GLIS1: variants seen among roughly 807,000 people sequenced by gnomAD.
GLIS1 encodes the protein GLIS family zinc finger 1.
A neutral mutation model predicts 63.8 loss-of-function variants in GLIS1; 24 were observed. The ratio of observed to expected loss-of-function variants is 0.38; its 90% confidence interval spans 0.27 to 0.53. GLIS1 has a LOEUF of 0.53. GLIS1 is among the 20% of genes least tolerant of loss of function. GLIS1 has a pLI of 0.85. For synonymous variants in GLIS1, 450 were observed against 482.5 expected (o/e 0.93, Z 0.88); for missense variants, 1,036 against 1,074.1 (o/e 0.96, Z 0.50).
At chr1:53,577,074 G>T (rs532806070) in intron 4 of GLIS1, among the ~76,000 whole-genome samples, 5 of 148,960 alleles carry the variant, frequency 3.4e-5, no homozygotes, top group African/African-American at 7.5e-5. Context: ...AATAAATGCT[G>T]ATGTCCCCTG....
At chr1:53,597,768 C>A (rs1012782442) in intron 3 of GLIS1, among the ~76,000 whole-genome samples, 2 of 152,060 alleles carry the variant, frequency 1.3e-5, no homozygotes, top group Non-Finnish European at 2.9e-5. Context: ...TCAAATTCAA[C>A]CACTTTAATA....
intron 2 of GLIS1, among the ~76,000 whole-genome samples, chr1:53,690,315 T>C (rs554202378): frequency 2.9e-4 from 44 of 152,290 alleles, no homozygotes; most frequent in Admixed American, 2.5e-3. Flanking sequence ...CAGCGCATGA[T>C]GGGGAAGAGG....
In GLIS1 at chr1:53,520,753, G is replaced by C. The variant is rs1475400945; in HGVS notation, c.1607C>G (p.Pro536Arg). 3.1e-6 allele frequency: 5 copies of C among 1,606,474 alleles called. No homozygotes were observed. The highest frequency in any genetic ancestry group is 4.2e-6 in the Non-Finnish European group (5 of 1,176,588). ...QQVRKKLHAG[P>R]DTEADVLTEC... ...GGTCAGGACGTCGGCCTCGGTGTCAGGGCCCGCATGCAGCTGGGGAGCAAG... is the reference window on the plus strand; with the variant it reads ...GGTCAGGACGTCGGCCTCGGTGTCACGGCCCGCATGCAGCTGGGGAGCAAG... Residue 536 changes from proline (P) to arginine (R), a missense_variant, in exon 7 of 11, where the codon CCT (proline) becomes CGT (arginine). By Grantham distance (103) the Pro-to-Arg change is moderately radical. Transcript: ENST00000628545.
At chr1:53,736,111 G>A (rs1454978984) in intron 2 of GLIS1, among the ~76,000 whole-genome samples, 2 of 152,172 alleles carry the variant, frequency 1.3e-5, no homozygotes, top group Non-Finnish European at 1.5e-5. Context: ...AAGAAAAGTT[G>A]TGAAACCTCT....
At chr1:53,728,459 T>A (rs774857722) in intron 2 of GLIS1, among the ~76,000 whole-genome samples, 1 of 152,184 alleles carries the variant, frequency 6.6e-6, no homozygotes, top group Non-Finnish European at 1.5e-5. Flanking sequence ...ATTATCCTCA[T>A]GTCACAGATA....
At chr1:53,601,229 T>G (rs1645314715) in intron 2 of GLIS1, among the ~76,000 whole-genome samples, 1 of 152,144 alleles carries the variant, frequency 6.6e-6, no homozygotes, top group South Asian at 2.1e-4. Flanking sequence ...CTGTTTCCCC[T>G]GTGTAAGGGG....
At chr1:53,603,519 G>C (rs1328249208) in intron 2 of GLIS1, among the ~76,000 whole-genome samples, 1 of 152,182 alleles carries the variant, frequency 6.6e-6, no homozygotes, top group African/African-American at 2.4e-5. Flanking sequence ...TACCCATCAC[G>C]GTCCCATGTC....
intron 4 of GLIS1, among the ~76,000 whole-genome samples, chr1:53,571,219 C>T (rs969998072): frequency 6.6e-6 from 1 of 152,238 alleles, no homozygotes; most frequent in Admixed American, 6.5e-5. Flanking sequence ...TGCCATTTCA[C>T]ACCTGCCAAA....
chr1:53,569,412 A>G (rs1176996936), intron 4 of GLIS1, among the ~76,000 whole-genome samples: 1 of 152,160 alleles, frequency 6.6e-6, no homozygotes, highest in East Asian at 1.9e-4. Context: ...GGTATAGGGT[A>G]ACTCCATGTA....
intron 4 of GLIS1, among the ~76,000 whole-genome samples, chr1:53,568,783 T>C (rs1433926157): frequency 1.3e-5 from 2 of 152,166 alleles, no homozygotes; most frequent in African/African-American, 4.8e-5. Context: ...ACACCATAAG[T>C]GTAAATTTCC....
At chr1:53,734,153 G>A (rs978591378) in intron 2 of GLIS1, 321 of 983,182 alleles carry the variant, frequency 3.3e-4, no homozygotes, top group Non-Finnish European at 3.8e-4. Context: ...CACATTTGTC[G>A]TGATCAACCT....
intron 2 of GLIS1, among the ~76,000 whole-genome samples, chr1:53,664,655 CAT>C (rs1196249222): frequency 7.9e-5 from 12 of 152,148 alleles, no homozygotes; most frequent in African/African-American, 2.9e-4. Flanking sequence ...ACTTTAGTAA[CAT>C]AAACAGCAAA....
intron 5 of GLIS1, among the ~76,000 whole-genome samples, chr1:53,528,275 G>A (rs1644492854): frequency 6.6e-6 from 1 of 152,146 alleles, no homozygotes; most frequent in Non-Finnish European, 1.5e-5. Context: ...TTGGGGATGG[G>A]GCCCTTCCTT....
rs770754109 is a variant in GLIS1 at position 53,526,616 on chromosome 1, C to T, written c.1483-1729G>A. On this transcript the variant is annotated intron_variant, in intron 5 of 10. Transcript: ENST00000628545. This position sits in a 1 kb window ranked among gnomAD's most constrained non-coding sequence, Gnocchi z 4.4. ...CACCCACGCACGGCACACACACGTG[C>T]GTTCACATGTGCCCAGGCACACACA... Among the ~76,000 whole-genome samples the T allele has an allele frequency of 1.3e-5, 2 of 152,212 alleles. No homozygotes were observed. Among genetic ancestry groups the T allele is most frequent in the Non-Finnish European group, 2.9e-5 (2 of 68,044 alleles).
At chr1:53,634,086 T>C (rs191982982) in intron 2 of GLIS1, among the ~76,000 whole-genome samples, 1 of 152,274 alleles carries the variant, frequency 6.6e-6, no homozygotes, top group Admixed American at 6.5e-5. Flanking sequence ...TGAAGTCTTA[T>C]AAAGATGGAG....
At chr1:53,690,529 TG>T (rs772977031) in intron 2 of GLIS1, among the ~76,000 whole-genome samples, 147 of 152,382 alleles carry the variant, frequency 9.6e-4, no homozygotes, top group Middle Eastern at 6.8e-3. Context: ...CTTCAACGTC[TG>T]CATCTGGCAA....
chr1:53,583,503 C>T (rs1645105801), intron 4 of GLIS1, among the ~76,000 whole-genome samples: 1 of 152,192 alleles, frequency 6.6e-6, no homozygotes, highest in South Asian at 2.1e-4. Flanking sequence ...TCCCATTGCC[C>T]CATCCCCAGG....
At chr1:53,684,008 A>G (rs1348407202) in intron 2 of GLIS1, among the ~76,000 whole-genome samples, 1 of 152,112 alleles carries the variant, frequency 6.6e-6, no homozygotes, top group Non-Finnish European at 1.5e-5. Flanking sequence ...CTTTTCCCCA[A>G]ATTGGACATT....
At chr1:53,595,187 G>A (rs1211820481) in intron 3 of GLIS1, among the ~76,000 whole-genome samples, 197 bp from the exon 4 acceptor site, 2 of 152,114 alleles carry the variant, frequency 1.3e-5, no homozygotes, top group Admixed American at 6.5e-5. Context: ...AAAGGAAAAT[G>A]GGGAGAGAGA....
Sources: gnomAD v4.1 joint callset for allele counts (sites outside exome capture counted in the v4.1 genomes callset) on GRCh38, gnomAD v4.1.1 for gene constraint, Gnocchi (gnomAD v3.1) non-coding constraint, MANE v1.5 for transcripts, NCBI Gene and HGNC (gene_info 2026-07-23, HGNC 2026-07-21) for gene names.